Variants in SH3GL1 observed in about 807,000 individuals in gnomAD.
SH3GL1 encodes endophilin-A2.
A neutral mutation model predicts 48.8 loss-of-function variants in SH3GL1; 21 were observed. That is an observed-to-expected ratio of 0.43 (90% CI 0.30 to 0.62). The LOEUF is 0.62. Among genes scored for constraint, SH3GL1 ranks in the 20% least tolerant of loss-of-function variants. SH3GL1 has a pLI of 0.11. For missense variants in SH3GL1, 454 were observed against 503.0 expected (o/e 0.90, Z 0.93); for synonymous variants, 282 against 217.5 (o/e 1.30, Z -2.61).
intron 8 of SH3GL1, 112 bp from the exon 9 acceptor site, chr19:4,362,497 A>T: frequency 6.4e-7 from 1 of 1,574,736 alleles, no homozygotes. Context: ...CAGATGGAGC[A>T]CGGCTGAGAG....
intron 1 of SH3GL1, among the ~76,000 whole-genome samples, chr19:4,380,533 G>A (rs1973099829): frequency 6.6e-6 from 1 of 152,168 alleles, no homozygotes; most frequent in Admixed American, 6.6e-5. Flanking sequence ...CCCAGGACAA[G>A]GTTTGGAAGT....
At chr19:4,380,050 T>C (rs1437938812) in intron 1 of SH3GL1, 1 of 152,042 alleles carries the variant, frequency 6.6e-6, no homozygotes, top group Non-Finnish European at 1.5e-5. Flanking sequence ...TGGGCTCAGG[T>C]TGGAGGGGAA....
chr19:4,394,822 T>A (rs571459936), intron 1 of SH3GL1, among the ~76,000 whole-genome samples: 2 of 152,226 alleles, frequency 1.3e-5, no homozygotes, highest in Non-Finnish European at 2.9e-5. Context: ...TCTACTGACG[T>A]AGGGCTGGAG....
At chr19:4,373,739 G>A (rs1330794247) in intron 1 of SH3GL1, among the ~76,000 whole-genome samples, 1 of 152,148 alleles carries the variant, frequency 6.6e-6, no homozygotes, top group Non-Finnish European at 1.5e-5. Flanking sequence ...AATGGGCTCT[G>A]CCTCAGACCA....
At chr19:4,396,195 G>A (rs1286806651) in intron 1 of SH3GL1, among the ~76,000 whole-genome samples, 8 of 151,860 alleles carry the variant, frequency 5.3e-5, no homozygotes, top group Admixed American at 3.9e-4. Context: ...TCAAGAGTTC[G>A]AGACCAGCCT....
At chr19:4,379,151 C>T (rs1026334234) in intron 1 of SH3GL1, among the ~76,000 whole-genome samples, 9 of 152,058 alleles carry the variant, frequency 5.9e-5, no homozygotes, top group Admixed American at 2.0e-4. Flanking sequence ...CGGACGAGGG[C>T]GGGAGGAAAG....
In SH3GL1 at chr19:4,363,489, G is replaced by T; in HGVS notation, c.625-16C>A. ...CCTGCTCGATCTGTGGGGACAGTAG[G>T]GCTCAGGGGCTCCTGCCAGTGCCAC... On this transcript the variant is annotated splice_polypyrimidine_tract_variant and intron_variant, in intron 6 of 9. Coordinates refer to ENST00000269886, the MANE Select transcript of SH3GL1 (RefSeq NM_003025.4). 1 of 1,601,144 alleles carries T rather than the reference G, an allele frequency of 6.2e-7. No homozygotes were observed. The highest frequency in any genetic ancestry group is 8.5e-7 in the Non-Finnish European group (1 of 1,171,308).
At chr19:4,394,827 C>A (rs1353941988) in intron 1 of SH3GL1, among the ~76,000 whole-genome samples, 1 of 152,222 alleles carries the variant, frequency 6.6e-6, no homozygotes, top group Non-Finnish European at 1.5e-5. Context: ...TGACGTAGGG[C>A]TGGAGAATTC....
intron 3 of SH3GL1, 50 bp downstream of exon 3, chr19:4,366,451 C>A: frequency 7.0e-7 from 1 of 1,433,746 alleles, no homozygotes; most frequent in Non-Finnish European, 9.7e-7. Context: ...CCCTCTGACA[C>A]AGAGGCCAGA....
chr19:4,392,763 G>A (rs1011615408), intron 1 of SH3GL1, among the ~76,000 whole-genome samples: 17 of 151,972 alleles, frequency 1.1e-4, no homozygotes, highest in East Asian at 1.9e-4. Flanking sequence ...CCAACAAGGC[G>A]AAACCCCGTT....
rs1972759265 is a variant in SH3GL1 at position 4,365,606 on chromosome 19, G to A, written c.207C>T (p.Thr69=). 1.9e-6 allele frequency: 3 copies of A among 1,614,032 alleles called. No individual in the cohort carries two copies. The highest frequency in any genetic ancestry group is 2.2e-5 in the East Asian group (1 of 44,898). The part of the protein sequence containing the change: ...QPNPASRAKL[T]MLNTVSKIRG... ...GGATCTTGGACACCGTGTTGAGCAT[G>A]GTCAGCTTAGCCCGCGAGGCTGGGA... is the stretch of plus-strand genomic sequence containing the variant. Residue 69 remains threonine (T), a synonymous_variant, in exon 4 of 10, where the codon ACC becomes ACT. Coordinates refer to ENST00000269886, the MANE Select transcript of SH3GL1 (RefSeq NM_003025.4).
At chr19:4,379,637 C>T (rs1242512273) in intron 1 of SH3GL1, among the ~76,000 whole-genome samples, 1 of 152,022 alleles carries the variant, frequency 6.6e-6, no homozygotes, top group Admixed American at 6.6e-5. Context: ...GCACAGCTGC[C>T]CATCCTGAAC....
At chr19:4,399,029 G>T (rs1215971161) in intron 1 of SH3GL1, among the ~76,000 whole-genome samples, 1 of 152,106 alleles carries the variant, frequency 6.6e-6, no homozygotes, top group African/African-American at 2.4e-5. Flanking sequence ...CCATTAAAAA[G>T]AGCCAAGTAG....
At chr19:4,361,824 G>A in intron 9 of SH3GL1, 28 bp from the exon 10 acceptor site, 3 of 1,533,558 alleles carry the variant, frequency 2.0e-6, no homozygotes, top group Middle Eastern at 1.7e-4. Context: ...CTGTGGGGCT[G>A]GGGCTGCTAC....
chr19:4,395,163 GTT>G (rs5826843), intron 1 of SH3GL1, among the ~76,000 whole-genome samples: 1 of 151,992 alleles, frequency 6.6e-6, no homozygotes, highest in Non-Finnish European at 1.5e-5. Flanking sequence ...TGTAAATGGT[GTT>G]TTTTTTTGGA....
At chr19:4,363,626 T>C in intron 6 of SH3GL1, 94 bp downstream of exon 6, 1 of 1,531,324 alleles carries the variant, frequency 6.5e-7, no homozygotes, top group Admixed American at 1.7e-5. Context: ...AGCGGCCAGG[T>C]AGGTGCCGAT....
At position 4,396,181 on chromosome 19, in the gene SH3GL1, G is replaced by C. The variant is rs920688653; in HGVS notation, c.45+4143C>G. On this transcript the variant is annotated intron_variant, in intron 1 of 9. Coordinates refer to ENST00000269886, the MANE Select transcript of SH3GL1 (RefSeq NM_003025.4). The stretch of plus-strand genomic sequence containing the variant: ...GGAGACTGAGGCAGGTAGATCACCC[G>C]AGGTCAAGAGTTCGAGACCAGCCTG... Among the ~76,000 whole-genome samples, 54 of 152,138 alleles carry C rather than the reference G, an allele frequency of 3.5e-4. 1 individual carries two copies. Among genetic ancestry groups the C allele is most frequent in the Admixed American group, 3.0e-3 (46 of 15,276 alleles).
intron 1 of SH3GL1, among the ~76,000 whole-genome samples, chr19:4,381,084 T>C (rs1043016390): frequency 1.2e-5 from 1 of 80,984 alleles, no homozygotes; most frequent in Non-Finnish European, 2.2e-5. Context: ...CCTCTCTCTG[T>C]CCCCTCTCTC....
At chr19:4,372,678 C>T (rs1972926187) in intron 1 of SH3GL1, among the ~76,000 whole-genome samples, 1 of 152,206 alleles carries the variant, frequency 6.6e-6, no homozygotes. Flanking sequence ...CACTGCCCAA[C>T]ACACATGGCC....
Sources: gnomAD v4.1 joint callset for allele counts (sites outside exome capture counted in the v4.1 genomes callset) on GRCh38, gnomAD v4.1.1 for gene constraint, MANE v1.5 for transcripts, NCBI Gene and HGNC (gene_info 2026-07-23, HGNC 2026-07-21) for gene names.